PXDNL: variants seen among roughly 807,000 people sequenced by gnomAD.
PXDNL encodes peroxidasin like, also known as probable oxidoreductase PXDNL.
Under a neutral mutation model 150.8 loss-of-function variants are expected in PXDNL, and 145 were observed. That is an observed-to-expected ratio of 0.96 (90% CI 0.84 to 1.10). The LOEUF is 1.10. PXDNL is among the 50% of genes least tolerant of loss of function. PXDNL has a pLI of 0.00. For synonymous variants in PXDNL, 757 were observed against 725.7 expected, an observed-to-expected ratio of 1.04 and a Z score of -0.69; for missense variants, 2,087 against 1,873.9, an observed-to-expected ratio of 1.11 and a Z score of -2.10.
intron 9 of PXDNL, among the ~76,000 whole-genome samples, chr8:51,454,020 T>C (rs1009956832): frequency 6.6e-6 from 1 of 152,200 alleles, no homozygotes; most frequent in Non-Finnish European, 1.5e-5. Context: ...GATATCACGA[T>C]GTGTTATAGA....
At chr8:51,348,820 C>A (rs1563368326) in intron 19 of PXDNL, among the ~76,000 whole-genome samples, 2 of 152,126 alleles carry the variant, frequency 1.3e-5, no homozygotes, top group South Asian at 4.1e-4. Context: ...CAAAGTCCTA[C>A]AGCTTTTCAA....
At chr8:51,736,446 T>C (rs1042444454) in intron 1 of PXDNL, among the ~76,000 whole-genome samples, 1 of 152,230 alleles carries the variant, frequency 6.6e-6, no homozygotes, top group African/African-American at 2.4e-5. Flanking sequence ...TGACTCCAAG[T>C]AGCTGTAAAA....
Position 51,345,928 on chromosome 8 carries a change from CTG to C in PXDNL, c.3919_3920del (p.Gln1307ValfsTer21). On this transcript the variant is annotated frameshift_variant, in exon 20 of 23. Transcript: ENST00000356297. LOFTEE classifies it high-confidence loss of function. ...DCCADCRSRGQFRAVTQESQK... is the reference protein window; with the variant it reads ...DCCADCRSRGXFRAVTQESQK... ...GAGACTCTTGCGTCACTGCTCTGAA[CTG>C]TCCTCTACTCCTACAGTCTGTGGGG... 1 of 1,611,524 alleles carries C rather than the reference CTG, an allele frequency of 6.2e-7. No individual in the cohort carries two copies. The highest frequency in any genetic ancestry group is 8.5e-7 in the Non-Finnish European group (1 of 1,177,630).
intron 19 of PXDNL, among the ~76,000 whole-genome samples, chr8:51,370,017 T>A (rs1807050508): frequency 6.6e-6 from 1 of 152,216 alleles, no homozygotes; most frequent in African/African-American, 2.4e-5. Flanking sequence ...GCACCTACCC[T>A]ACACGTGCTA....
chr8:51,654,504 T>C (rs1357684669), intron 2 of PXDNL, among the ~76,000 whole-genome samples, 185 bp downstream of exon 2: 2 of 151,934 alleles, frequency 1.3e-5, no homozygotes, highest in Non-Finnish European at 2.9e-5. Flanking sequence ...ATCTCTTCCA[T>C]GTTCAAAAGG....
chr8:51,376,067 C>A (rs1426148308), intron 17 of PXDNL, among the ~76,000 whole-genome samples: 2 of 152,152 alleles, frequency 1.3e-5, no homozygotes, highest in African/African-American at 2.4e-5. Flanking sequence ...TAGTTAATGC[C>A]AAACTGCTAT....
At chr8:51,324,866 A>AT (rs1211781071) in intron 21 of PXDNL, among the ~76,000 whole-genome samples, 5 of 152,136 alleles carry the variant, frequency 3.3e-5, no homozygotes, top group East Asian at 1.9e-4. Flanking sequence ...TCATTGAAGC[A>AT]TTTTTTATGA....
intron 1 of PXDNL, among the ~76,000 whole-genome samples, chr8:51,744,962 AAG>A (rs377351757): frequency 3.2e-4 from 1 of 3,078 alleles, no homozygotes; most frequent in Non-Finnish European, 2.6e-3. Flanking sequence ...GAAAGAAAGA[AAG>A]AAAGAAAGAA....
chr8:51,403,976 C>A (rs1182071078), intron 17 of PXDNL, among the ~76,000 whole-genome samples: 7 of 152,202 alleles, frequency 4.6e-5, no homozygotes, highest in South Asian at 2.1e-4. Flanking sequence ...CGTGGTCTCA[C>A]TGGCTTCAAG....
chr8:51,695,497 C>T (rs55701628), intron 1 of PXDNL, among the ~76,000 whole-genome samples: 115,110 of 151,814 alleles, frequency 0.76, 43,700 homozygotes, highest in East Asian at 0.82. Context: ...CACGCACGCA[C>T]GCATACTTCT....
chr8:51,745,673 G>A (rs1361010081), intron 1 of PXDNL, among the ~76,000 whole-genome samples: 1 of 151,952 alleles, frequency 6.6e-6, no homozygotes, highest in Non-Finnish European at 1.5e-5. Flanking sequence ...TACTCCTTCA[G>A]GTGCAGAGGC....
chr8:51,320,383 G>C (rs2130593265), intron 22 of PXDNL, among the ~76,000 whole-genome samples: 1 of 152,316 alleles, frequency 6.6e-6, no homozygotes, highest in East Asian at 1.9e-4. Flanking sequence ...TAGACACCAT[G>C]ATAACACTTT....
chr8:51,689,513 A>G (rs2130860098), intron 1 of PXDNL, among the ~76,000 whole-genome samples: 1 of 152,104 alleles, frequency 6.6e-6, no homozygotes, highest in East Asian at 1.9e-4. Flanking sequence ...CCACATGTGT[A>G]CCAGTTAGTC....
intron 2 of PXDNL, among the ~76,000 whole-genome samples, chr8:51,640,194 G>A (rs534526301): frequency 2.0e-5 from 3 of 152,162 alleles, no homozygotes; most frequent in South Asian, 4.2e-4. Context: ...GGTATTGATG[G>A]GACATATCTC....
At chr8:51,715,541 T>A (rs1319626653) in intron 1 of PXDNL, among the ~76,000 whole-genome samples, 1 of 152,222 alleles carries the variant, frequency 6.6e-6, no homozygotes. Flanking sequence ...AAGTGTTAAC[T>A]TCTCTGATTC....
intron 3 of PXDNL, among the ~76,000 whole-genome samples, chr8:51,582,685 T>A (rs1458515099): frequency 2.6e-5 from 4 of 152,200 alleles, no homozygotes; most frequent in Non-Finnish European, 4.4e-5. Flanking sequence ...GATGTTTTTT[T>A]AAATGACTTC....
intron 3 of PXDNL, among the ~76,000 whole-genome samples, chr8:51,575,653 T>C (rs1015414643): frequency 9.9e-5 from 15 of 152,030 alleles, no homozygotes; most frequent in Non-Finnish European, 1.8e-4. Context: ...AGGTGGAGGT[T>C]GCAGTGAGCA....
At chr8:51,763,894 A>C (rs571934510) in intron 1 of PXDNL, among the ~76,000 whole-genome samples, 41 of 152,314 alleles carry the variant, frequency 2.7e-4, no homozygotes, top group Middle Eastern at 6.8e-3. Flanking sequence ...ATTGTTAATT[A>C]TCCTTTAAAT....
At chr8:51,696,849 A>ACACATC in intron 1 of PXDNL, among the ~76,000 whole-genome samples, 1 of 868 alleles carries the variant, frequency 1.2e-3, no homozygotes, top group East Asian at 0.031. Context: ...AGGTCCTGAC[A>ACACATC]CACACACAGG....
Sources: allele counts gnomAD v4.1 joint callset (sites outside exome capture counted in the v4.1 genomes callset), GRCh38; gene constraint gnomAD v4.1.1; transcripts MANE v1.5; gene names NCBI Gene and HGNC (gene_info 2026-07-23, HGNC 2026-07-21).